The following ZNF287 variants were observed in gnomAD, a reference collection of about 807,000 sequenced individuals.
The protein encoded by ZNF287 is zinc finger protein with KRAB and SCAN domains 13.
Under a neutral mutation model 73.7 loss-of-function variants are expected in ZNF287, and 31 were observed. That is an observed-to-expected ratio of 0.42 (90% CI 0.32 to 0.57). The LOEUF is 0.57. Among genes scored for constraint, ZNF287 ranks in the 20% least tolerant of loss-of-function variants. The pLI, the probability that ZNF287 is intolerant of heterozygous loss-of-function variation, is 0.13. For missense variants in ZNF287, 641 were observed against 909.3 expected, an observed-to-expected ratio of 0.70 and a Z score of 3.79; for synonymous variants, 301 against 307.2, an observed-to-expected ratio of 0.98 and a Z score of 0.21.
intron 5 of ZNF287, among the ~76,000 whole-genome samples, chr17:16,556,633 C>T (rs1258728524): frequency 6.6e-6 from 1 of 151,924 alleles, no homozygotes; most frequent in Non-Finnish European, 1.5e-5. Flanking sequence ...ATTCCCCTCC[C>T]CAGAAGAAAA....
At chr17:16,559,502 A>G (rs1433257297) in intron 5 of ZNF287, among the ~76,000 whole-genome samples, 1 of 152,144 alleles carries the variant, frequency 6.6e-6, no homozygotes, top group Non-Finnish European at 1.5e-5. Flanking sequence ...GGGAATATAA[A>G]AAATGGAATA....
rs116690416 is a variant in ZNF287, at chr17:16,550,525, C to T, written c.*1331G>A. ...TTCTCACATTATTTATATAGCTACA[C>T]TATCACTTCCACTTCCTTCTCTTGG... On this transcript the variant is annotated 3_prime_UTR_variant, in exon 6 of 6. Transcript: ENST00000395825. Among the ~76,000 whole-genome samples, 461 of 152,288 alleles carry T rather than the reference C, an allele frequency of 3.0e-3. 2 individuals carry two copies. Among genetic ancestry groups the T allele is most frequent in the African/African-American group, 0.011 (443 of 41,558 alleles).
intron 3 of ZNF287, among the ~76,000 whole-genome samples, chr17:16,565,976 G>A (rs897837655): frequency 3.9e-5 from 6 of 152,250 alleles, no homozygotes; most frequent in East Asian, 1.9e-4. Flanking sequence ...AACAGAGTGC[G>A]ACTCTGTCTC....
At position 16,551,753 on chromosome 17, in the gene ZNF287, A is replaced by T. The variant is rs113498600; in HGVS notation, c.*103T>A. 879 of 1,239,660 alleles carry T rather than the reference A, an allele frequency of 7.1e-4. 5 individuals carry two copies. In the African/African-American group the frequency reaches 0.011, roughly 16 times the overall value. 76.8% of individuals were successfully genotyped at this position (1,239,660 alleles called of 1,614,324 possible). A position where few individuals can be genotyped will look rare whatever the true frequency, so the allele number is the denominator to read the frequency against. ...CTGATACTTCTGCTGAGTATCTAACATATTGCACTTCTTCAGACTTCTTCT... is the reference window on the plus strand; with the variant it reads ...CTGATACTTCTGCTGAGTATCTAACTTATTGCACTTCTTCAGACTTCTTCT... On this transcript the variant is annotated 3_prime_UTR_variant, in exon 6 of 6. Transcript: ENST00000395825.
At chr17:16,563,121 A>C (rs898172044) in intron 5 of ZNF287, 25 bp downstream of exon 5, 1 of 1,523,940 alleles carries the variant, frequency 6.6e-7, no homozygotes, top group African/African-American at 1.4e-5. Flanking sequence ...AATACAAAGA[A>C]GCTCATGCGC....
At chr17:16,563,322 G>T in intron 4 of ZNF287, 90 bp from the exon 5 acceptor site, 1 of 862,582 alleles carries the variant, frequency 1.2e-6, no homozygotes. Flanking sequence ...TGGGAGAACA[G>T]ACCTCTGTAG....
chr17:16,553,260 G>A lies in ZNF287; in HGVS notation c.882C>T (p.Phe294=). ...FWKIHTDERG[F]SLKSVLSQEY... is the part of the protein sequence containing the mutation. ...CTTGTGAAAGGACTGACTTCAAACTGAAACCTCTTTCATCAGTGTGAATTT... is the reference window on the plus strand; with the variant it reads ...CTTGTGAAAGGACTGACTTCAAACTAAAACCTCTTTCATCAGTGTGAATTT... Residue 294 remains phenylalanine (F), a synonymous_variant, in exon 6 of 6, where the codon TTC becomes TTT. Transcript: ENST00000395825. 1 of 1,613,664 alleles carries A rather than the reference G, an allele frequency of 6.2e-7. No individual in the cohort carries two copies. The highest frequency in any genetic ancestry group is 8.5e-7 in the Non-Finnish European group (1 of 1,179,732).
chr17:16,563,126 A>G lies in ZNF287; in HGVS notation c.715+20T>C. Reference sequence around the variant, plus strand: ...TAGATTCTTAAATACAAAGAAGCTCATGCGCTTTTTGTTTCTCACCTGGAC... The same window carrying G: ...TAGATTCTTAAATACAAAGAAGCTCGTGCGCTTTTTGTTTCTCACCTGGAC... On this transcript the variant is annotated intron_variant, in intron 5 of 5. Coordinates refer to ENST00000395825, the MANE Select transcript of ZNF287 (RefSeq NM_020653.4). The G allele has an allele frequency of 6.5e-7, 1 of 1,549,282 alleles. No homozygotes were observed. The highest frequency in any genetic ancestry group is 8.9e-7 in the Non-Finnish European group (1 of 1,127,790).
At chr17:16,553,550 A>G (rs1295585685) in intron 5 of ZNF287, 124 bp from the exon 6 acceptor site, 11 of 749,018 alleles carry the variant, frequency 1.5e-5, no homozygotes, top group Non-Finnish European at 2.1e-5. Flanking sequence ...CCTCATCATC[A>G]TGGTCTTTAA....
At chr17:16,554,252 C>A (rs530478137) in intron 5 of ZNF287, among the ~76,000 whole-genome samples, 173 of 149,524 alleles carry the variant, frequency 1.2e-3, no homozygotes, top group Non-Finnish European at 1.9e-3. Context: ...TGGCTCACTG[C>A]AACCTCTGCC....
At chr17:16,553,485 A>G (rs1906838064) in intron 5 of ZNF287, 59 bp from the exon 6 acceptor site, 4 of 1,289,268 alleles carry the variant, frequency 3.1e-6, no homozygotes, top group South Asian at 3.8e-5. Flanking sequence ...AACTGCCAAA[A>G]TAGAAACAAA....
At position 16,549,849 on chromosome 17, in the gene ZNF287, AAGTAAATGTTATTTGTTGAACATTTCTTT is replaced by A. The variant is rs1377059406; in HGVS notation, c.*1978_*2006del. 1.3e-5 allele frequency among the ~76,000 whole-genome samples: 2 copies of A among 152,244 alleles called. No individual in the cohort carries two copies. The highest frequency in any genetic ancestry group is 2.9e-5 in the Non-Finnish European group (2 of 68,034). ...GATTCACGATTTTTAAGCAGTTCCC[AAGTAAATGTTATTTGTTGAACATTTCTTT>A]GATATATGCACAAAAATATTTTTCG... On this transcript the variant is annotated 3_prime_UTR_variant, in exon 6 of 6. Coordinates refer to ENST00000395825, the MANE Select transcript of ZNF287 (RefSeq NM_020653.4).
At position 16,563,164 on chromosome 17, in the gene ZNF287, A is replaced by C; in HGVS notation, c.697T>G (p.Leu233Val). Residue 233 changes from leucine (L) to valine (V), a missense_variant, in exon 5 of 6, where the codon TTA becomes GTA. Physicochemically the swap from Leu to Val is conservative, Grantham distance 32. Transcript: ENST00000395825. ...TTCTCACCTGGACTAGGGCCTTCTAAAATTTCTTTTATCACCATCCATGGT... is the reference window on the plus strand; with the variant it reads ...TTCTCACCTGGACTAGGGCCTTCTACAATTTCTTTTATCACCATCCATGGT... ...EEPWMVIKEILEGPSPEWETK... is the reference protein window; with the variant it reads ...EEPWMVIKEIVEGPSPEWETK... 6.2e-7 allele frequency: 1 copy of C among 1,613,582 alleles called. No individual in the cohort carries two copies. Among genetic ancestry groups the C allele is most frequent in the Non-Finnish European group, 8.5e-7 (1 of 1,179,654 alleles).
In ZNF287 at chr17:16,547,488, A is replaced by T. The variant is rs1331404398; in HGVS notation, c.*4368T>A. Among the ~76,000 whole-genome samples, 1 of 152,220 alleles carries T rather than the reference A, an allele frequency of 6.6e-6. No individual in the cohort carries two copies. Among genetic ancestry groups the T allele is most frequent in the Non-Finnish European group, 1.5e-5 (1 of 68,044 alleles). On this transcript the variant is annotated 3_prime_UTR_variant, in exon 6 of 6. Coordinates refer to ENST00000395825, the MANE Select transcript of ZNF287 (RefSeq NM_020653.4). ...TCTCTCCAATTTAGGTGCATGCTTA[A>T]CAAGATTTAGTTGTTTGCACCCGAA...
intron 4 of ZNF287, 33 bp downstream of exon 4, chr17:16,563,666 G>A (rs2142498404): frequency 9.4e-6 from 15 of 1,603,388 alleles, no homozygotes; most frequent in Non-Finnish European, 1.3e-5. Context: ...ATGGGAACAG[G>A]CTCGGAGGAG....
rs756585406 is a variant in ZNF287 at position 16,553,383 on chromosome 17, C to A, written c.759G>T (p.Met253Ile). 22 of 1,603,236 alleles carry A rather than the reference C, an allele frequency of 1.4e-5. No homozygotes were observed. The African/African-American group carries it at 3.0e-4, about 22-fold the overall frequency. ...KAQACTPVED[M>I]SKLTKEETHT... ...GGGTTTCTTCCTTTGTGAGTTTAGACATATCCTCCACTGGAGTACATGCTT... is the reference window on the plus strand; with the variant it reads ...GGGTTTCTTCCTTTGTGAGTTTAGAAATATCCTCCACTGGAGTACATGCTT... The change falls in exon 6 of 6, where the codon ATG (methionine) becomes ATT (isoleucine). Residue 253 changes from methionine (M) to isoleucine (I), a missense_variant. Physicochemically the swap from Met to Ile is conservative, Grantham distance 10. Transcript: ENST00000395825.
In ZNF287 at chr17:16,567,715, T is replaced by C; in HGVS notation, c.17A>G (p.Lys6Arg). Reference protein sequence around the residue: MLASSKRMNSSSRSQI... With the variant: MLASSRRMNSSSRSQI... ...AGAACGTGAAGAACTGTTCATCCTC[T>C]TGCTTGAGGCTAACATTGCTACAGA... Residue 6 changes from lysine (K) to arginine (R), a missense_variant, in exon 2 of 6, where the codon AAG becomes AGG. Lys to Arg is a conservative substitution (Grantham distance 26). Around this residue, in one of 2 missense-constraint regions of ZNF287, gnomAD observed 357 missense variants for 442.4 expected, o/e 0.81. Coordinates refer to ENST00000395825, the MANE Select transcript of ZNF287 (RefSeq NM_020653.4). 1.2e-6 allele frequency: 2 copies of C among 1,610,556 alleles called. No homozygotes were observed. The highest frequency in any genetic ancestry group is 1.7e-6 in the Non-Finnish European group (2 of 1,177,760).
intron 5 of ZNF287, among the ~76,000 whole-genome samples, chr17:16,555,146 T>C (rs1316813395): frequency 1.3e-5 from 2 of 152,112 alleles, no homozygotes; most frequent in East Asian, 1.9e-4. Context: ...GTGAGCATCA[T>C]AGAGTATACT....
intron 5 of ZNF287, chr17:16,557,849 C>A (rs1251265490): frequency 6.6e-6 from 1 of 152,224 alleles, no homozygotes; most frequent in Non-Finnish European, 1.5e-5. Context: ...CCCAAAACCT[C>A]ACCTCTAAAA....
Sources: gnomAD v4.1 joint callset for allele counts (sites outside exome capture counted in the v4.1 genomes callset) on GRCh38, gnomAD v4.1.1 for gene constraint, gnomAD v4.1.1 regional missense constraint, MANE v1.5 for transcripts, NCBI Gene and HGNC (gene_info 2026-07-23, HGNC 2026-07-21) for gene names.